SBF2: variants seen among roughly 807,000 people sequenced by gnomAD.
The protein encoded by SBF2 is myotubularin-related protein 13.
A neutral mutation model predicts 225.2 loss-of-function variants in SBF2; 112 were observed. The ratio of observed to expected loss-of-function variants is 0.50; its 90% CI spans 0.43 to 0.58. The LOEUF (loss-of-function observed/expected upper bound fraction) is 0.58. SBF2 is among the 20% of genes least tolerant of loss of function. SBF2 has a pLI of 0.00. For synonymous variants in SBF2, 763 were observed against 773.3 expected, an observed-to-expected ratio of 0.99 and a Z score of 0.22; for missense variants, 1,996 against 2,206.2, an observed-to-expected ratio of 0.90 and a Z score of 1.91.
chr11:9,782,080 G>A (rs774249562), intron 38 of SBF2, among the ~76,000 whole-genome samples: 1 of 151,886 alleles, frequency 6.6e-6, no homozygotes. Flanking sequence ...CAGCTACCCA[G>A]GAGGCTGAGG....
intron 32 of SBF2, among the ~76,000 whole-genome samples, chr11:9,806,563 G>T (rs1393647577): frequency 6.6e-6 from 1 of 152,116 alleles, no homozygotes; most frequent in African/African-American, 2.4e-5. Context: ...GAATAAAAGG[G>T]CCAATATTCA....
intron 2 of SBF2, among the ~76,000 whole-genome samples, chr11:10,115,857 T>C (rs16907462): frequency 0.18 from 27,138 of 152,098 alleles, 2,596 homozygotes; most frequent in East Asian, 0.28. Flanking sequence ...ACAAACACAA[T>C]TGTACATATA....
intron 17 of SBF2, among the ~76,000 whole-genome samples, chr11:9,863,893 G>A (rs905561659): frequency 2.6e-5 from 4 of 151,780 alleles, no homozygotes; most frequent in Admixed American, 2.6e-4. Context: ...TTTTTTACCT[G>A]TGTATGTCCA....
intron 8 of SBF2, 54 bp downstream of exon 8, chr11:10,000,860 A>T (rs985534578): frequency 2.3e-5 from 21 of 921,552 alleles, no homozygotes; most frequent in Non-Finnish European, 1.8e-6. Context: ...GACCCAAAGA[A>T]ATATGATAAA....
chr11:9,983,196 C>A (rs1438169415), intron 13 of SBF2, among the ~76,000 whole-genome samples: 1 of 152,180 alleles, frequency 6.6e-6, no homozygotes, highest in African/African-American at 2.4e-5. Context: ...CGTCTGGCAG[C>A]CCGTCTTGCC....
chr11:10,232,258 G>T (rs536265764), intron 1 of SBF2, among the ~76,000 whole-genome samples: 1 of 152,334 alleles, frequency 6.6e-6, no homozygotes, highest in South Asian at 2.1e-4. Context: ...TACTTCCCAG[G>T]TGAGGGGATG....
At chr11:9,995,284 C>G (rs1174455187) in intron 9 of SBF2, among the ~76,000 whole-genome samples, 2 of 152,160 alleles carry the variant, frequency 1.3e-5, no homozygotes, top group Non-Finnish European at 2.9e-5. Context: ...GAAGGACTTG[C>G]ACAGAGAAGA....
chr11:10,015,994 C>G (rs914145879), intron 6 of SBF2, among the ~76,000 whole-genome samples: 3 of 152,098 alleles, frequency 2.0e-5, no homozygotes, highest in Non-Finnish European at 4.4e-5. Context: ...CCAGGCTGGT[C>G]TTGAACTCCT....
At chr11:10,152,853 A>G (rs974712641) in intron 2 of SBF2, among the ~76,000 whole-genome samples, 12 of 152,192 alleles carry the variant, frequency 7.9e-5, no homozygotes, top group Admixed American at 7.2e-4. Flanking sequence ...AAGGTGAGAG[A>G]AGGGGAATTC....
chr11:9,970,326 T>C (rs11042573), intron 13 of SBF2, among the ~76,000 whole-genome samples: 30,615 of 151,772 alleles, frequency 0.2, 3,966 homozygotes, highest in Non-Finnish European at 0.3. Flanking sequence ...CCTGCCTCAG[T>C]CTCCCGAGGA....
chr11:10,087,840 G>A (rs1951633456), intron 2 of SBF2, among the ~76,000 whole-genome samples: 1 of 152,092 alleles, frequency 6.6e-6, no homozygotes, highest in Non-Finnish European at 1.5e-5. Flanking sequence ...GGTTGTTTCT[G>A]CCATTGAAAT....
chr11:9,948,770 A>C (rs1865700456), intron 16 of SBF2, among the ~76,000 whole-genome samples: 1 of 152,352 alleles, frequency 6.6e-6, no homozygotes, highest in Admixed American at 6.5e-5. Flanking sequence ...TTATAAAAAG[A>C]TAAGCATCAT....
At position 10,149,768 on chromosome 11, in the gene SBF2, T is replaced by C. The variant is rs548348802; in HGVS notation, c.141+44134A>G. ...GTAACAACTAACTCCAAAGCTTCAG[T>C]GGCTTACACAACAAAAGTTTTCCCT... On this transcript the variant is annotated intron_variant, in intron 2 of 39. Transcript: ENST00000256190. Among the ~76,000 whole-genome samples, 28 of 152,298 alleles carry C rather than the reference T, an allele frequency of 1.8e-4. 1 individual carries two copies. Among genetic ancestry groups the C allele is most frequent in the Admixed American group, 5.2e-4 (8 of 15,292 alleles).
At chr11:9,796,346 C>T (rs1853123477) in intron 32 of SBF2, among the ~76,000 whole-genome samples, 1 of 152,102 alleles carries the variant, frequency 6.6e-6, no homozygotes, top group Non-Finnish European at 1.5e-5. Flanking sequence ...GTCTCTACCC[C>T]ACTCACTACA....
At chr11:9,931,746 C>T (rs1401241417) in intron 16 of SBF2, among the ~76,000 whole-genome samples, 1 of 150,638 alleles carries the variant, frequency 6.6e-6, no homozygotes, top group African/African-American at 2.4e-5. Context: ...GCAGCTCCTC[C>T]CCAGCAATGG....
chr11:10,275,925 A>G (rs1445071527), intron 1 of SBF2, among the ~76,000 whole-genome samples: 1 of 152,214 alleles, frequency 6.6e-6, no homozygotes, highest in Non-Finnish European at 1.5e-5. Flanking sequence ...ACTACAGATT[A>G]CAACATGCTA....
intron 33 of SBF2, chr11:9,791,207 G>A (rs1852718313): frequency 6.6e-6 from 1 of 152,182 alleles, no homozygotes. Flanking sequence ...CTGTGTCCTT[G>A]GGTGACTTAA....
chr11:9,992,255 A>C (rs1947471767), intron 12 of SBF2, among the ~76,000 whole-genome samples, 160 bp downstream of exon 12: 1 of 152,180 alleles, frequency 6.6e-6, no homozygotes, highest in Non-Finnish European at 1.5e-5. Flanking sequence ...TATAATCCAC[A>C]TTAAAATATC....
At chr11:10,279,272 G>A (rs1324920720) in intron 1 of SBF2, among the ~76,000 whole-genome samples, 1 of 151,880 alleles carries the variant, frequency 6.6e-6, no homozygotes, top group African/African-American at 2.4e-5. Flanking sequence ...ACTTAGCCGG[G>A]CATGGTGGCA....
Sources: gnomAD v4.1 joint callset for allele counts (sites outside exome capture counted in the v4.1 genomes callset) on GRCh38, gnomAD v4.1.1 for gene constraint, MANE v1.5 for transcripts, NCBI Gene and HGNC (gene_info 2026-07-23, HGNC 2026-07-21) for gene names.